Variants in WDFY2 observed in about 807,000 individuals in gnomAD.
The protein encoded by WDFY2 is WD repeat and FYVE domain-containing protein 2.
Under a neutral mutation model 56.4 loss-of-function variants are expected in WDFY2, and 36 were observed. That is an observed-to-expected ratio of 0.64 (90% confidence interval 0.49 to 0.84). The LOEUF (loss-of-function observed/expected upper bound fraction) is 0.84. Among genes scored for constraint, WDFY2 ranks in the 40% least tolerant of loss-of-function variants. WDFY2 has a pLI of 0.00. For synonymous variants in WDFY2, 176 were observed against 183.7 expected (o/e 0.96, Z 0.34); for missense variants, 444 against 512.2 (o/e 0.87, Z 1.29).
chr13:51,739,003 A>G, intron 6 of WDFY2, 46 bp from the exon 7 acceptor site: 1 of 1,459,088 alleles, frequency 6.9e-7, no homozygotes, highest in Middle Eastern at 1.8e-4. Context: ...TTTGTGGGTA[A>G]GAGTCTTACC....
intron 1 of WDFY2, chr13:51,586,064 C>T (rs1390646327): frequency 2.5e-6 from 1 of 398,414 alleles, no homozygotes; most frequent in South Asian, 1.3e-4. Flanking sequence ...CAGTGGCAAG[C>T]ATTCTGCAAT....
At chr13:51,680,209 C>T (rs937258629) in intron 3 of WDFY2, among the ~76,000 whole-genome samples, 2 of 152,162 alleles carry the variant, frequency 1.3e-5, no homozygotes, top group Non-Finnish European at 2.9e-5. Flanking sequence ...TCAAGTGATC[C>T]GCCTGCCTCT....
At position 51,703,622 on chromosome 13, in the gene WDFY2, C is replaced by G; in HGVS notation, c.306C>G (p.Asn102Lys). 1 of 1,609,078 alleles carries G rather than the reference C, an allele frequency of 6.2e-7. No homozygotes were observed. Among genetic ancestry groups the G allele is most frequent in the Non-Finnish European group, 8.5e-7 (1 of 1,177,454 alleles). ...ISEFILSEDY[N>K]KMTPVKNYQA... ...AGTTTATATTGTCAGAAGATTATAA[C>G]AAGATGACTCCTGTGAAAAACTATC... Residue 102 changes from asparagine to lysine, a missense_variant, in exon 4 of 12, where the codon AAC becomes AAG. Transcript: ENST00000298125.
At chr13:51,650,397 A>T (rs559829479) in intron 1 of WDFY2, among the ~76,000 whole-genome samples, 2 of 152,232 alleles carry the variant, frequency 1.3e-5, no homozygotes, top group African/African-American at 4.8e-5. Flanking sequence ...CTAATTGAAT[A>T]CCCTTTATTT....
chr13:51,760,741 A>G lies in WDFY2; in HGVS notation c.*972A>G, dbSNP rs1953555300. On this transcript the variant is annotated 3_prime_UTR_variant, in exon 12 of 12. Transcript: ENST00000298125. ...TCGGATCAGCAGGCATTAGCTTCTC[A>G]TAAGGAGCACGCAACCTAAATCCCT... is the stretch of plus-strand genomic sequence containing the variant. 1.3e-5 allele frequency: 2 copies of G among 152,278 alleles called. No individual in the cohort carries two copies. Among genetic ancestry groups the G allele is most frequent in the South Asian group, 4.1e-4 (2 of 4,834 alleles). 9.4% of individuals were successfully genotyped at this position (152,278 alleles called of 1,614,324 possible). A position where few individuals can be genotyped will look rare whatever the true frequency, so the allele number is the denominator to read the frequency against.
chr13:51,651,786 C>A (rs1015506136), intron 1 of WDFY2, among the ~76,000 whole-genome samples: 1 of 150,352 alleles, frequency 6.7e-6, no homozygotes, highest in African/African-American at 2.4e-5. Flanking sequence ...AGAGACAGTT[C>A]TTTTACATTT....
intron 3 of WDFY2, among the ~76,000 whole-genome samples, chr13:51,681,528 GT>G (rs1955976646): frequency 2.0e-5 from 3 of 152,040 alleles, no homozygotes; most frequent in African/African-American, 7.2e-5. Context: ...TTATACCATG[GT>G]TTCTACCATA....
At chr13:51,681,370 C>T (rs955839073) in intron 3 of WDFY2, among the ~76,000 whole-genome samples, 3 of 152,044 alleles carry the variant, frequency 2.0e-5, no homozygotes, top group African/African-American at 7.2e-5. Context: ...GAATAATATC[C>T]TTATCATGTG....
intron 7 of WDFY2, among the ~76,000 whole-genome samples, chr13:51,743,729 TAG>T (rs886236642): frequency 6.6e-6 from 1 of 152,188 alleles, no homozygotes; most frequent in African/African-American, 2.4e-5. Context: ...GGAGACGTGC[TAG>T]AAGTATGAAA....
chr13:51,744,386 A>G (rs11839640), intron 7 of WDFY2, among the ~76,000 whole-genome samples: 5,849 of 152,212 alleles, frequency 0.038, 157 homozygotes, highest in Middle Eastern at 0.1. Context: ...GGTCTTCTCT[A>G]CCCTCTCCCT....
chr13:51,752,382 T>G (rs578017001), intron 8 of WDFY2, among the ~76,000 whole-genome samples: 1 of 152,344 alleles, frequency 6.6e-6, no homozygotes, highest in South Asian at 2.1e-4. Context: ...TTTGGCACCA[T>G]TAATACAAAG....
At chr13:51,759,304 G>A (rs1953503810) in intron 11 of WDFY2, among the ~76,000 whole-genome samples, 3 of 151,936 alleles carry the variant, frequency 2.0e-5, no homozygotes, top group South Asian at 4.1e-4. Flanking sequence ...CGTGCTTGGC[G>A]TCCAGTTAAT....
chr13:51,711,973 A>T (rs1258149062), intron 4 of WDFY2, among the ~76,000 whole-genome samples: 5 of 152,244 alleles, frequency 3.3e-5, no homozygotes, highest in African/African-American at 9.6e-5. Context: ...TCATCCTGCT[A>T]TAAAGACACA....
At chr13:51,615,273 A>G (rs948810727) in intron 1 of WDFY2, among the ~76,000 whole-genome samples, 2 of 152,184 alleles carry the variant, frequency 1.3e-5, no homozygotes, top group African/African-American at 4.8e-5. Flanking sequence ...AAAAATATGG[A>G]CAGGTAGATA....
At chr13:51,685,750 A>T (rs1392164912) in intron 3 of WDFY2, among the ~76,000 whole-genome samples, 1 of 152,142 alleles carries the variant, frequency 6.6e-6, no homozygotes, top group African/African-American at 2.4e-5. Flanking sequence ...TTCAAGGGTC[A>T]ATGTAGTCCC....
At chr13:51,678,911 G>A (rs574381466) in intron 3 of WDFY2, among the ~76,000 whole-genome samples, 2 of 152,226 alleles carry the variant, frequency 1.3e-5, no homozygotes, top group East Asian at 3.9e-4. Flanking sequence ...CCCTGAATAC[G>A]AACTGGATTT....
intron 2 of WDFY2, among the ~76,000 whole-genome samples, chr13:51,669,857 TA>T: frequency 6.6e-6 from 1 of 152,308 alleles, no homozygotes. Context: ...GGGAAACAGT[TA>T]AAAGTGGGGG....
At chr13:51,720,621 T>G (rs2138632308) in intron 5 of WDFY2, among the ~76,000 whole-genome samples, 1 of 152,358 alleles carries the variant, frequency 6.6e-6, no homozygotes, top group East Asian at 1.9e-4. Context: ...ACCCTCTGTC[T>G]TTATCCATTC....
chr13:51,668,521 A>G (rs1955752295), intron 2 of WDFY2, among the ~76,000 whole-genome samples: 1 of 152,242 alleles, frequency 6.6e-6, no homozygotes, highest in Non-Finnish European at 1.5e-5. Flanking sequence ...GCTTAATAAA[A>G]TAAAACGTGT....
Sources: gnomAD v4.1 joint callset for allele counts (sites outside exome capture counted in the v4.1 genomes callset) on GRCh38, gnomAD v4.1.1 for gene constraint, MANE v1.5 for transcripts, NCBI Gene and HGNC (gene_info 2026-07-23, HGNC 2026-07-21) for gene names.